ZNF487: variants seen among roughly 807,000 people sequenced by gnomAD.
The protein encoded by ZNF487 is KRAB domain only 1.
Under a neutral mutation model 3.0 loss-of-function variants are expected in ZNF487, and 4 were observed. That is an observed-to-expected ratio of 1.35 (90% CI 0.66 to 3.08). ZNF487 has a LOEUF of 3.08. ZNF487 is among the 30% of genes most tolerant of loss of function. The pLI is 0.01. For synonymous variants in ZNF487, 55 were observed against 34.6 expected (o/e 1.59, Z -2.06); for missense variants, 146 against 98.7 (o/e 1.48, Z -2.03).
At chr10:43,492,974 T>C in the ZNF487 span, among the ~76,000 whole-genome samples, 1 of 152,196 alleles carries the variant, frequency 6.6e-6, no homozygotes, top group African/African-American at 2.4e-5. Flanking sequence ...CTCATGCCTG[T>C]AATCCCAGCA....
At chr10:43,491,949 ATGAGG>A in the ZNF487 span, among the ~76,000 whole-genome samples, 1 of 151,846 alleles carries the variant, frequency 6.6e-6, no homozygotes, top group East Asian at 1.9e-4. Context: ...TTGTTTTGAT[ATGAGG>A]TCTTTGGCCT....
chr10:43,446,802 A>G (rs1589022963), intron 1 of ZNF487, among the ~76,000 whole-genome samples: 1 of 152,124 alleles, frequency 6.6e-6, no homozygotes, highest in Non-Finnish European at 1.5e-5. Flanking sequence ...GGCGGCTGGG[A>G]AGAGGCTGCA....
At chr10:43,476,239 G>T in intron 3 of ZNF487, 37 bp downstream of exon 3, 1 of 702,902 alleles carries the variant, frequency 1.4e-6, no homozygotes, top group Non-Finnish European at 2.6e-6. Context: ...ATAATCCCAG[G>T]GAGAAATTTG....
intron 1 of ZNF487, among the ~76,000 whole-genome samples, chr10:43,469,341 C>T (rs995115374): frequency 2.0e-5 from 3 of 152,084 alleles, no homozygotes; most frequent in East Asian, 2.0e-4. Flanking sequence ...GGACTACAGG[C>T]GTGCACCACA....
At chr10:43,437,028 GCAA>G, upstream of ZNF487, 1 of 364,506 alleles carries the variant, frequency 2.7e-6, no homozygotes, top group Admixed American at 3.2e-5. Flanking sequence ...CGCGGGAGCA[GCAA>G]GGCTTCCGGA....
the ZNF487 span, among the ~76,000 whole-genome samples, chr10:43,497,763 C>G: frequency 1.2e-4 from 18 of 151,710 alleles, no homozygotes; most frequent in Admixed American, 1.1e-3. Flanking sequence ...GTCAGGAGAT[C>G]GAGACCATCC....
rs76798275 is a variant in ZNF487, at chr10:43,482,173, A to G, written c.*251A>G. 0.033 allele frequency: 17,807 copies of G among 537,982 alleles called. 382 individuals are homozygous for G. Among genetic ancestry groups the G allele is most frequent in the Non-Finnish European group, 0.04 (12,034 of 301,274 alleles). The allele number at this position is 537,982 out of a possible 1,614,324, so 33.3% of individuals were successfully genotyped here. A position where few individuals can be genotyped will look rare whatever the true frequency, so the allele number is the denominator to read the frequency against. ...AGGAGAGAAAACTTGACTGTAGTAGACATTTGGAAGTATTCTGCAAGAAGC... is the reference window on the plus strand; with the variant it reads ...AGGAGAGAAAACTTGACTGTAGTAGGCATTTGGAAGTATTCTGCAAGAAGC... On this transcript the variant is annotated 3_prime_UTR_variant, in exon 4 of 4. Coordinates refer to ENST00000437590, the MANE Select transcript of ZNF487 (RefSeq NM_001355444.3).
intron 1 of ZNF487, among the ~76,000 whole-genome samples, chr10:43,445,403 T>C (rs1839761478): frequency 6.6e-6 from 1 of 152,194 alleles, no homozygotes; most frequent in Non-Finnish European, 1.5e-5. Flanking sequence ...TGTTAGGCAT[T>C]GTGAATTTTA....
At chr10:43,495,982 TC>T in the ZNF487 span, 2 of 520,748 alleles carry the variant, frequency 3.8e-6, no homozygotes, top group Non-Finnish European at 7.8e-6. Flanking sequence ...TTTGTTGTAG[TC>T]ACTGTAAAAT....
chr10:43,481,477 A>C lies in ZNF487; in HGVS notation c.179A>C (p.Asp60Ala), dbSNP rs1431876151. Residue 60 changes from aspartate (D) to alanine (A), a missense_variant, in exon 4 of 4, where the codon GAC becomes GCC. Physicochemically the swap from Asp to Ala is moderately radical, Grantham distance 126. Transcript: ENST00000437590. ...DLMEKRQENQ[D>A]QHLQKVDFVN... ...ATGGAGAAGAGACAGGAAAATCAAG[A>C]CCAGCATTTGCAGAAAGTTGATTTT... is the stretch of plus-strand genomic sequence containing the variant. 1.4e-6 allele frequency: 1 copy of C among 717,280 alleles called. No homozygotes were observed. Among genetic ancestry groups the C allele is most frequent in the Admixed American group, 2.0e-5 (1 of 49,996 alleles). 44.4% of individuals were successfully genotyped at this position (717,280 alleles called of 1,614,324 possible).
rs1359063066 is a variant in ZNF487 at position 43,476,182 on chromosome 10, C to A, written c.110C>A (p.Ser37Tyr). 1 of 717,336 alleles carries A rather than the reference C, an allele frequency of 1.4e-6. No homozygotes were observed. Among genetic ancestry groups the A allele is most frequent in the East Asian group, 2.7e-5 (1 of 37,296 alleles). The allele number at this position is 717,336 out of a possible 1,614,324, so 44.4% of individuals were successfully genotyped here. ...GTGCTGTGGATATTAGAGGAAGAGT[C>A]CCCAAGTCAGAGCCACCTAGGTGAG... Reference protein sequence around the residue: ...GQVLWILEEESPSQSHLDCCI... With the variant: ...GQVLWILEEEYPSQSHLDCCI... The change falls in exon 3 of 4, where the codon TCC becomes TAC. Residue 37 changes from serine (S) to tyrosine (Y), a missense_variant. Transcript: ENST00000437590.
At chr10:43,506,800 A>T in the ZNF487 span, among the ~76,000 whole-genome samples, 2 of 152,218 alleles carry the variant, frequency 1.3e-5, no homozygotes, top group East Asian at 3.9e-4. Flanking sequence ...TGAGGTGTTG[A>T]GTATGCTTCA....
At chr10:43,493,770 C>T in the ZNF487 span, among the ~76,000 whole-genome samples, 1 of 139,538 alleles carries the variant, frequency 7.2e-6, no homozygotes, top group Non-Finnish European at 1.5e-5. Flanking sequence ...TGAAATATTC[C>T]AGCTAATTAG....
At chr10:43,487,706 C>A (rs988992887), downstream of ZNF487, among the ~76,000 whole-genome samples, 29 of 151,740 alleles carry the variant, frequency 1.9e-4, no homozygotes, top group Non-Finnish European at 3.2e-4. Context: ...CCAGCCTGGG[C>A]CTCCCAAAGT....
At chr10:43,437,091 GC>G (rs1839413439), upstream of ZNF487, 1 of 302,168 alleles carries the variant, frequency 3.3e-6, no homozygotes, top group South Asian at 2.4e-5. Context: ...CGCAGGCCCC[GC>G]CCCTCGGCGG....
chr10:43,505,132 G>A, the ZNF487 span, among the ~76,000 whole-genome samples: 2 of 151,978 alleles, frequency 1.3e-5, no homozygotes, highest in East Asian at 3.9e-4. Flanking sequence ...CGTTCCTCCT[G>A]CCTCAGCCTC....
the ZNF487 span, among the ~76,000 whole-genome samples, chr10:43,502,876 T>C: frequency 1.3e-5 from 2 of 151,896 alleles, no homozygotes; most frequent in Admixed American, 6.6e-5. Flanking sequence ...ACAGGAAATA[T>C]AAAAATCAGC....
chr10:43,476,103 A>G lies in ZNF487; in HGVS notation c.35-4A>G. On this transcript the variant is annotated splice_region_variant and splice_polypyrimidine_tract_variant and intron_variant, in intron 2 of 3. Transcript: ENST00000437590. ...CCCACGTCCTGTGTCATTTTCATTCACAGGATATTGCATTACCAAACCAGA... is the reference window on the plus strand; with the variant it reads ...CCCACGTCCTGTGTCATTTTCATTCGCAGGATATTGCATTACCAAACCAGA... 2 of 717,210 alleles carry G rather than the reference A, an allele frequency of 2.8e-6. No individual in the cohort carries two copies. The highest frequency in any genetic ancestry group is 3.0e-5 in the South Asian group (2 of 67,524). The allele number at this position is 717,210 out of a possible 1,614,324, so 44.4% of individuals were successfully genotyped here. A position where few individuals can be genotyped will look rare whatever the true frequency, so the allele number is the denominator to read the frequency against.
At chr10:43,498,103 T>TTTTTTTTTC in the ZNF487 span, among the ~76,000 whole-genome samples, 1 of 13,476 alleles carries the variant, frequency 7.4e-5, no homozygotes, top group Admixed American at 1.4e-3. Flanking sequence ...ATATATATTT[T>TTTTTTTTTC]TTTTTTTTTT....
Sources: gnomAD v4.1 joint callset for allele counts (sites outside exome capture counted in the v4.1 genomes callset) on GRCh38, gnomAD v4.1.1 for gene constraint, MANE v1.5 for transcripts, NCBI Gene and HGNC (gene_info 2026-07-23, HGNC 2026-07-21) for gene names.